RAB3GAP1: variants seen among roughly 807,000 people sequenced by gnomAD.
RAB3GAP1 encodes the protein rab3 GTPase-activating protein catalytic subunit.
A neutral mutation model predicts 130.7 loss-of-function variants in RAB3GAP1; 86 were observed. That is an observed-to-expected ratio of 0.66 (90% CI 0.55 to 0.79). The LOEUF (loss-of-function observed/expected upper bound fraction) is 0.79. Ranked by LOEUF, RAB3GAP1 falls within the 30% of genes least tolerant of loss-of-function variation. The pLI, the probability that RAB3GAP1 is intolerant of heterozygous loss-of-function variation, is 0.00. For missense variants in RAB3GAP1, 1,029 were observed against 1,169.4 expected, an observed-to-expected ratio of 0.88 and a Z score of 1.75; for synonymous variants, 367 against 401.7, an observed-to-expected ratio of 0.91 and a Z score of 1.03.
downstream of RAB3GAP1, among the ~76,000 whole-genome samples, chr2:135,173,937 A>G (rs955776683): frequency 2.0e-4 from 30 of 152,202 alleles, no homozygotes; most frequent in African/African-American, 7.2e-4. Context: ...TCTGGCCTCT[A>G]ATTTACGGTC....
At chr2:135,074,458 T>A (rs1246950519) in intron 3 of RAB3GAP1, among the ~76,000 whole-genome samples, 1 of 152,220 alleles carries the variant, frequency 6.6e-6, no homozygotes, top group Non-Finnish European at 1.5e-5. Context: ...AGAGTTTGTC[T>A]GCCAGAAGAC....
At chr2:135,172,525 G>C (rs1443970006), downstream of RAB3GAP1, among the ~76,000 whole-genome samples, 1 of 152,146 alleles carries the variant, frequency 6.6e-6, no homozygotes, top group Non-Finnish European at 1.5e-5. Flanking sequence ...ACGAGGGGAG[G>C]TGAGAGCACT....
At chr2:135,087,264 T>C (rs184039790) in intron 3 of RAB3GAP1, among the ~76,000 whole-genome samples, 116 of 152,352 alleles carry the variant, frequency 7.6e-4, no homozygotes, top group South Asian at 4.1e-4. Flanking sequence ...TTCATTGATC[T>C]GTTTGTCTGT....
chr2:135,125,380 A>G (rs1320343352), intron 9 of RAB3GAP1, among the ~76,000 whole-genome samples: 1 of 152,138 alleles, frequency 6.6e-6, no homozygotes, highest in Non-Finnish European at 1.5e-5. Context: ...CACACTAAAT[A>G]TTTTTCCTGT....
rs924998945 is a variant in RAB3GAP1, at chr2:135,135,339, A to G, written c.1554+20A>G. ...CTACAGGTAAAGATTTCTCAATGAC[A>G]TGGATAAATGTGGTCTTGATTTAAT... On this transcript the variant is annotated intron_variant, in intron 16 of 23. Coordinates refer to ENST00000264158, the MANE Select transcript of RAB3GAP1 (RefSeq NM_012233.3). The G allele has an allele frequency of 1.3e-6, 2 of 1,577,140 alleles. No homozygotes were observed. The highest frequency in any genetic ancestry group is 1.7e-6 in the Non-Finnish European group (2 of 1,146,718).
intron 19 of RAB3GAP1, among the ~76,000 whole-genome samples, chr2:135,159,767 T>G (rs151179205): frequency 1.3e-5 from 2 of 152,280 alleles, no homozygotes; most frequent in East Asian, 3.9e-4. Context: ...ATAAGACAAA[T>G]ATGGTCTGTC....
intron 7 of RAB3GAP1, among the ~76,000 whole-genome samples, chr2:135,116,406 C>A (rs1365995710): frequency 6.6e-6 from 1 of 151,876 alleles, no homozygotes; most frequent in Non-Finnish European, 1.5e-5. Flanking sequence ...TCAAAGTGAG[C>A]CATGTTTTGC....
chr2:135,121,484 G>A (rs367903995), intron 8 of RAB3GAP1, among the ~76,000 whole-genome samples: 88 of 152,182 alleles, frequency 5.8e-4, no homozygotes, highest in Middle Eastern at 6.8e-3. Context: ...GAGACTAGGC[G>A]GTGCTAAGAC....
intron 3 of RAB3GAP1, among the ~76,000 whole-genome samples, chr2:135,071,809 A>G (rs930457751): frequency 1.3e-5 from 2 of 152,166 alleles, no homozygotes; most frequent in Admixed American, 1.3e-4. Flanking sequence ...CCTGCTAACC[A>G]TGGGTATGGC....
chr2:135,120,750 T>G (rs1288637546), intron 7 of RAB3GAP1, 69 bp from the exon 8 acceptor site: 1 of 1,151,850 alleles, frequency 8.7e-7, no homozygotes, highest in Non-Finnish European at 1.3e-6. Flanking sequence ...AGTTTGAAAT[T>G]TTGATGTTGA....
chr2:135,119,493 TG>T (rs1365007050), intron 7 of RAB3GAP1, among the ~76,000 whole-genome samples: 1 of 152,248 alleles, frequency 6.6e-6, no homozygotes, highest in Non-Finnish European at 1.5e-5. Context: ...GGCCTTGTTA[TG>T]GCTTCTAGAA....
intron 3 of RAB3GAP1, among the ~76,000 whole-genome samples, chr2:135,062,880 A>G (rs1044232141): frequency 6.6e-6 from 1 of 152,238 alleles, no homozygotes; most frequent in African/African-American, 2.4e-5. Flanking sequence ...ACTTTGTGTC[A>G]TAACGCCTGG....
intron 23 of RAB3GAP1, among the ~76,000 whole-genome samples, chr2:135,166,799 TAA>T (rs1374127463): frequency 6.6e-6 from 1 of 152,186 alleles, no homozygotes; most frequent in Non-Finnish European, 1.5e-5. Context: ...TTAATATACT[TAA>T]GATATCTTTC....
intron 3 of RAB3GAP1, among the ~76,000 whole-genome samples, chr2:135,067,645 A>T (rs1463647820): frequency 6.6e-6 from 1 of 152,164 alleles, no homozygotes; most frequent in South Asian, 2.1e-4. Context: ...TTGGAATCCT[A>T]GTTCTGTTGC....
chr2:135,074,049 A>G (rs1270623518), intron 3 of RAB3GAP1, among the ~76,000 whole-genome samples: 2 of 152,170 alleles, frequency 1.3e-5, no homozygotes, highest in Non-Finnish European at 2.9e-5. Context: ...CTGGATGAAC[A>G]CTAGGTGAAA....
At chr2:135,057,497 T>G (rs527484276) in intron 2 of RAB3GAP1, among the ~76,000 whole-genome samples, 1 of 152,228 alleles carries the variant, frequency 6.6e-6, no homozygotes, top group East Asian at 1.9e-4. Flanking sequence ...CGCTTCTATG[T>G]GATTTTTGTG....
chr2:135,098,445 T>A (rs1335768142), intron 5 of RAB3GAP1, among the ~76,000 whole-genome samples: 5 of 152,236 alleles, frequency 3.3e-5, no homozygotes, highest in African/African-American at 1.2e-4. Context: ...TATCAATTTT[T>A]AATTTTAGGG....
At chr2:135,107,303 A>G (rs189114742) in intron 5 of RAB3GAP1, among the ~76,000 whole-genome samples, 1 of 152,298 alleles carries the variant, frequency 6.6e-6, no homozygotes, top group Admixed American at 6.5e-5. Context: ...TAGTAAATAC[A>G]ATAAATATAT....
rs137853052 is a variant in RAB3GAP1, at chr2:135,150,456, C to T, written c.2011C>T (p.Arg671Ter). Reference protein sequence around the residue: ...LGTSAEGAHLRARMQSACLLS... With the variant: ...LGTSAEGAHL ...TACATCGGCAGAGGGGGCTCACCTT[C>T]GAGCACGCATGCAGAGTGCCTGTCT... The change falls in exon 18 of 24, where the codon CGA becomes TGA. Residue 671 changes from arginine to a stop codon, truncating the protein, a stop_gained. Transcript: ENST00000264158. LOFTEE classifies it high-confidence loss of function. 1.2e-6 allele frequency: 2 copies of T among 1,614,186 alleles called. No individual in the cohort carries two copies. Among genetic ancestry groups the T allele is most frequent in the South Asian group, 2.2e-5 (2 of 91,084 alleles).
Sources: allele counts gnomAD v4.1 joint callset (sites outside exome capture counted in the v4.1 genomes callset), GRCh38; gene constraint gnomAD v4.1.1; transcripts MANE v1.5; gene names NCBI Gene and HGNC (gene_info 2026-07-23, HGNC 2026-07-21).